Variants in ERC1 observed in about 807,000 individuals in gnomAD.
The protein encoded by ERC1 is RAB6 interacting protein 2.
ERC1 carries 56 observed loss-of-function variants against 132.0 expected under a neutral mutation model. The ratio of observed to expected loss-of-function variants is 0.42; its 90% confidence interval spans 0.34 to 0.53. The LOEUF (loss-of-function observed/expected upper bound fraction) is 0.53, where lower values mean the gene tolerates loss of function less well. ERC1 is among the 20% of genes least tolerant of loss of function. ERC1 has a pLI of 0.03. For synonymous variants in ERC1, 478 were observed against 476.1 expected, an observed-to-expected ratio of 1.00 and a Z score of -0.05; for missense variants, 1,202 against 1,349.9, an observed-to-expected ratio of 0.89 and a Z score of 1.72.
chr12:1,093,864 C>CAT lies in ERC1; in HGVS notation c.1086+10293_1086+10294dup, dbSNP rs552464458. Among the ~76,000 whole-genome samples the CAT allele has an allele frequency of 4.6e-4, 65 of 142,418 alleles. 1 individual carries two copies. The East Asian group carries it at 0.011, about 23-fold the overall frequency. The allele number at this position is 142,418 out of a possible 152,430, so 93.4% of individuals were successfully genotyped here. A position where few individuals can be genotyped will look rare whatever the true frequency, so the allele number is the denominator to read the frequency against. ...AGAGGAGATTAAAGAAAAAAAGAAA[C>CAT]ATATATATATGTTTATGTGTATTTA... On this transcript the variant is annotated intron_variant, in intron 3 of 18. Transcript: ENST00000360905.
intron 7 of ERC1, among the ~76,000 whole-genome samples, chr12:1,119,103 T>C (rs541772284): frequency 6.6e-6 from 1 of 152,290 alleles, no homozygotes; most frequent in African/African-American, 2.4e-5. Context: ...GGTCTGGGAC[T>C]CCTGAGCTCA....
At chr12:1,211,808 G>A (rs557876246) in intron 12 of ERC1, among the ~76,000 whole-genome samples, 29 of 151,698 alleles carry the variant, frequency 1.9e-4, no homozygotes, top group African/African-American at 7.0e-4. Context: ...GATCTGAGGT[G>A]ATCCACCATC....
At chr12:1,052,479 A>AT (rs1280269760) in intron 2 of ERC1, among the ~76,000 whole-genome samples, 1 of 152,194 alleles carries the variant, frequency 6.6e-6, no homozygotes, top group Non-Finnish European at 1.5e-5. Flanking sequence ...AGTACAAGGA[A>AT]TAAAAAAATA....
chr12:1,438,946 T>TA (rs145056944), intron 17 of ERC1, among the ~76,000 whole-genome samples: 18 of 144,640 alleles, frequency 1.2e-4, no homozygotes, highest in Non-Finnish European at 2.1e-4. Context: ...TGTCTCAATT[T>TA]AAAAAAAAAT....
intron 1 of ERC1, among the ~76,000 whole-genome samples, chr12:996,727 T>C (rs1171777307): frequency 3.9e-5 from 6 of 152,216 alleles, no homozygotes; most frequent in African/African-American, 1.4e-4. Flanking sequence ...ATGTACTAAA[T>C]TAGAAGGTAT....
At position 1,253,404 on chromosome 12, in the gene ERC1, T is replaced by C. The variant is rs554169493; in HGVS notation, c.2488-9630T>C. ...GGAAAGAAAGGCAGCTAGCTGGGTG[T>C]GGTGGCTCACACCTGTAATCCCAGC... On this transcript the variant is annotated intron_variant, in intron 13 of 18. Transcript: ENST00000360905. Among the ~76,000 whole-genome samples the C allele has an allele frequency of 6.0e-4, 91 of 152,234 alleles. 1 individual carries two copies. The highest frequency in any genetic ancestry group is 2.1e-3 in the African/African-American group (87 of 41,564).
intron 3 of ERC1, among the ~76,000 whole-genome samples, chr12:1,093,706 T>C (rs745579157): frequency 2.6e-5 from 4 of 151,716 alleles, no homozygotes; most frequent in Admixed American, 6.6e-5. Flanking sequence ...TCGTGTTAGG[T>C]TTGCAAAAAT....
At chr12:1,367,854 T>A (rs1002075208) in intron 15 of ERC1, among the ~76,000 whole-genome samples, 1 of 152,040 alleles carries the variant, frequency 6.6e-6, no homozygotes, top group Non-Finnish European at 1.5e-5. Flanking sequence ...AAAGTTGGAT[T>A]TCTGCTGCTA....
intron 15 of ERC1, among the ~76,000 whole-genome samples, chr12:1,300,396 G>A (rs1013491595): frequency 5.3e-5 from 8 of 151,828 alleles, no homozygotes; most frequent in East Asian, 3.9e-4. Context: ...CCATGGGCGC[G>A]GGCAAGGATT....
chr12:1,044,211 G>C (rs1970728624), intron 2 of ERC1, among the ~76,000 whole-genome samples: 1 of 152,200 alleles, frequency 6.6e-6, no homozygotes, highest in South Asian at 2.1e-4. Context: ...TTGAATGCCA[G>C]TTTCCTCATC....
intron 7 of ERC1, chr12:1,116,249 A>C (rs1946426855): frequency 2.4e-6 from 1 of 413,322 alleles, no homozygotes; most frequent in Non-Finnish European, 4.3e-6. Context: ...TTATGTTTTT[A>C]ATTCTTTAAA....
intron 14 of ERC1, among the ~76,000 whole-genome samples, chr12:1,279,764 C>T (rs1020851694): frequency 7.3e-5 from 11 of 151,674 alleles, no homozygotes; most frequent in African/African-American, 2.4e-4. Flanking sequence ...GGTGCAATCT[C>T]GGCTCACTGC....
chr12:1,076,881 T>C (rs576058634), intron 2 of ERC1, among the ~76,000 whole-genome samples: 3 of 152,306 alleles, frequency 2.0e-5, no homozygotes, highest in East Asian at 3.9e-4. Context: ...AGTTTATTGA[T>C]GATAAATACA....
At chr12:1,338,532 C>G (rs897474247) in intron 15 of ERC1, among the ~76,000 whole-genome samples, 32 of 152,266 alleles carry the variant, frequency 2.1e-4, no homozygotes, top group African/African-American at 7.7e-4. Context: ...CCTTCTGTTT[C>G]TGTCATTTCT....
At chr12:1,302,774 T>C (rs1325915965) in intron 15 of ERC1, among the ~76,000 whole-genome samples, 1 of 152,048 alleles carries the variant, frequency 6.6e-6, no homozygotes, top group East Asian at 1.9e-4. Flanking sequence ...AGGACCAGCC[T>C]GGGCAACATA....
At chr12:1,280,020 ATCT>A (rs1315523440) in intron 14 of ERC1, among the ~76,000 whole-genome samples, 1 of 152,088 alleles carries the variant, frequency 6.6e-6, no homozygotes, top group African/African-American at 2.4e-5. Flanking sequence ...CCTATACTCT[ATCT>A]AAACTGCAGA....
At chr12:1,122,547 G>A (rs61914264) in intron 7 of ERC1, among the ~76,000 whole-genome samples, 1,915 of 8,184 alleles carry the variant, frequency 0.23, 7 homozygotes, top group South Asian at 0.29. Context: ...CTCTATCTGT[G>A]TCTCTATCTC....
chr12:1,179,546 C>T (rs1216984297), intron 8 of ERC1, among the ~76,000 whole-genome samples: 12 of 123,762 alleles, frequency 9.7e-5, no homozygotes, highest in African/African-American at 3.0e-4. Flanking sequence ...CTCGCTCTGT[C>T]GCCCAGGCTG....
At chr12:993,204 CTT>C (rs889850580) in intron 1 of ERC1, among the ~76,000 whole-genome samples, 1 of 152,118 alleles carries the variant, frequency 6.6e-6, no homozygotes, top group Admixed American at 6.6e-5. Flanking sequence ...ACAGTTTTGA[CTT>C]TGGATTAGTT....
Sources: gnomAD v4.1 joint callset for allele counts (sites outside exome capture counted in the v4.1 genomes callset) on GRCh38, gnomAD v4.1.1 for gene constraint, MANE v1.5 for transcripts, NCBI Gene and HGNC (gene_info 2026-07-23, HGNC 2026-07-21) for gene names.